TMEM17: variants seen among roughly 807,000 people sequenced by gnomAD.
TMEM17 encodes the protein transmembrane protein 17.
In TMEM17, 15 loss-of-function variants were observed where a neutral mutation model predicts 19.1. The observed-to-expected ratio is 0.78, with a 90% CI of 0.52 to 1.21. The LOEUF is 1.21. TMEM17 is among the 50% of genes most tolerant of loss of function. TMEM17 has a pLI of 0.00. For missense variants in TMEM17, 245 were observed against 242.3 expected, an observed-to-expected ratio of 1.01 and a Z score of -0.07; for synonymous variants, 103 against 86.9, an observed-to-expected ratio of 1.19 and a Z score of -1.03.
chr2:62,476,914 T>A, the TMEM17 span, among the ~76,000 whole-genome samples: 1 of 152,204 alleles, frequency 6.6e-6, no homozygotes, highest in South Asian at 2.1e-4. Flanking sequence ...TTTCCTATCC[T>A]GTGTCCTCCC....
At chr2:62,498,661 A>C (rs1182042318), downstream of TMEM17, among the ~76,000 whole-genome samples, 1 of 147,538 alleles carries the variant, frequency 6.8e-6, no homozygotes, top group Admixed American at 6.7e-5. Flanking sequence ...GCTTGCAGTG[A>C]GCCGAGATCC....
the TMEM17 span, among the ~76,000 whole-genome samples, chr2:62,478,976 G>T: frequency 7.9e-5 from 12 of 152,090 alleles, no homozygotes; most frequent in Non-Finnish European, 1.5e-4. Flanking sequence ...ACATATTTCT[G>T]GGGTACATAG....
chr2:62,488,270 A>G, the TMEM17 span, among the ~76,000 whole-genome samples: 1 of 152,140 alleles, frequency 6.6e-6, no homozygotes, highest in Non-Finnish European at 1.5e-5. Context: ...AAAGTGATCA[A>G]TATGATAATT....
At chr2:62,463,685 C>G in the TMEM17 span, among the ~76,000 whole-genome samples, 1 of 152,112 alleles carries the variant, frequency 6.6e-6, no homozygotes, top group South Asian at 2.1e-4. Flanking sequence ...CAGAAAAGAG[C>G]GGGTCCCAGC....
At chr2:62,504,396 A>G (rs571937488) in intron 1 of TMEM17, among the ~76,000 whole-genome samples, 25 of 152,324 alleles carry the variant, frequency 1.6e-4, no homozygotes, top group African/African-American at 4.6e-4. Flanking sequence ...TCCAATCCAC[A>G]AAGAAGAAAA....
At chr2:62,481,063 T>C in the TMEM17 span, among the ~76,000 whole-genome samples, 1 of 152,162 alleles carries the variant, frequency 6.6e-6, no homozygotes, top group East Asian at 1.9e-4. Context: ...GATCATGAGA[T>C]GTCTTTTGAT....
At chr2:62,505,189 C>A (rs1680031894) in intron 1 of TMEM17, among the ~76,000 whole-genome samples, 1 of 152,102 alleles carries the variant, frequency 6.6e-6, no homozygotes, top group Non-Finnish European at 1.5e-5. Context: ...ATTGATATTT[C>A]CCAGCAGAGT....
chr2:62,491,887 G>C, the TMEM17 span, among the ~76,000 whole-genome samples: 7 of 149,580 alleles, frequency 4.7e-5, no homozygotes, highest in Admixed American at 4.0e-4. Flanking sequence ...TGAGGATAAT[G>C]CTCTGAGTTA....
the TMEM17 span, among the ~76,000 whole-genome samples, chr2:62,455,485 G>A: frequency 6.6e-6 from 1 of 152,198 alleles, no homozygotes; most frequent in Admixed American, 6.5e-5. Context: ...TCTAAAAACT[G>A]GCCGGGCACA....
chr2:62,458,871 T>C, the TMEM17 span, among the ~76,000 whole-genome samples: 6 of 152,222 alleles, frequency 3.9e-5, no homozygotes, highest in Non-Finnish European at 8.8e-5. Flanking sequence ...TCCCTCGTGA[T>C]GCCAAGATGG....
At chr2:62,466,997 T>G in the TMEM17 span, among the ~76,000 whole-genome samples, 2 of 152,192 alleles carry the variant, frequency 1.3e-5, no homozygotes, top group Admixed American at 6.5e-5. Context: ...ATTTATTTAT[T>G]TGAGATGGAG....
At chr2:62,457,673 G>C in the TMEM17 span, among the ~76,000 whole-genome samples, 2 of 152,152 alleles carry the variant, frequency 1.3e-5, no homozygotes. The surrounding 1 kb of genome is among the most constrained non-coding windows in gnomAD (Gnocchi z 4.2). Context: ...AGGCTGGTGG[G>C]AACTCCTCAG....
At chr2:62,495,232 T>C (rs1252400644), downstream of TMEM17, among the ~76,000 whole-genome samples, 3 of 152,260 alleles carry the variant, frequency 2.0e-5, no homozygotes, top group Non-Finnish European at 4.4e-5. Flanking sequence ...TGTTCCATGC[T>C]GTCCTACGAT....
At chr2:62,490,837 G>T in the TMEM17 span, among the ~76,000 whole-genome samples, 1 of 152,108 alleles carries the variant, frequency 6.6e-6, no homozygotes, top group East Asian at 1.9e-4. Flanking sequence ...GTCACTTTGG[G>T]AGGCCAAGAT....
the TMEM17 span, among the ~76,000 whole-genome samples, chr2:62,457,906 TTTCCTCATGG>T: frequency 6.6e-6 from 1 of 152,210 alleles, no homozygotes; most frequent in Non-Finnish European, 1.5e-5. This position sits in a 1 kb window ranked among gnomAD's most constrained non-coding sequence, Gnocchi z 4.2. Flanking sequence ...GCACCAACGT[TTTCCTCATGG>T]CTTATGTCTC....
At chr2:62,479,624 G>A in the TMEM17 span, among the ~76,000 whole-genome samples, 1 of 152,214 alleles carries the variant, frequency 6.6e-6, no homozygotes, top group East Asian at 1.9e-4. Context: ...AGTGGCTCAT[G>A]CCTGTAATCC....
chr2:62,476,762 T>C, the TMEM17 span, among the ~76,000 whole-genome samples: 2 of 152,228 alleles, frequency 1.3e-5, no homozygotes, highest in African/African-American at 4.8e-5. Context: ...TGGATGCTTT[T>C]TGACATATCT....
chr2:62,474,285 G>A, the TMEM17 span, among the ~76,000 whole-genome samples: 5 of 152,184 alleles, frequency 3.3e-5, no homozygotes, highest in Admixed American at 6.5e-5. Flanking sequence ...TGTGTGGAGA[G>A]GGATATTTAA....
the TMEM17 span, among the ~76,000 whole-genome samples, chr2:62,490,517 C>T: frequency 6.6e-6 from 1 of 152,106 alleles, no homozygotes; most frequent in Non-Finnish European, 1.5e-5. Context: ...TTCACTTTGG[C>T]CTCCCAAAGT....
Sources: allele counts gnomAD v4.1 joint callset (sites outside exome capture counted in the v4.1 genomes callset), GRCh38; gene constraint gnomAD v4.1.1; non-coding constraint Gnocchi (gnomAD v3.1); transcripts MANE v1.5; gene names NCBI Gene and HGNC (gene_info 2026-07-23, HGNC 2026-07-21).